Variants in SLCO1B1 observed in about 807,000 individuals in gnomAD.
The protein encoded by SLCO1B1 is OATP-2.
In SLCO1B1, 81 loss-of-function variants were observed where a neutral mutation model predicts 70.1. The observed-to-expected ratio is 1.16, with a 90% CI of 0.97 to 1.39. The LOEUF (loss-of-function observed/expected upper bound fraction) is 1.39. SLCO1B1 is among the 40% of genes most tolerant of loss of function. The pLI, the probability that SLCO1B1 is intolerant of heterozygous loss-of-function variation, is 0.00. For missense variants in SLCO1B1, 895 were observed against 799.6 expected, an observed-to-expected ratio of 1.12 and a Z score of -1.44; for synonymous variants, 283 against 271.5, an observed-to-expected ratio of 1.04 and a Z score of -0.42.
intron 4 of SLCO1B1, 140 bp from the exon 5 acceptor site, chr12:21,176,636 C>G (rs1940824385): frequency 1.5e-6 from 1 of 660,772 alleles, no homozygotes; most frequent in Non-Finnish European, 2.7e-6. Context: ...AAAACACATG[C>G]TGGGAAATTG....
At chr12:21,238,859 A>T in intron 14 of SLCO1B1, 120 bp from the exon 15 acceptor site, 1 of 549,916 alleles carries the variant, frequency 1.8e-6, no homozygotes, top group Non-Finnish European at 3.2e-6. Context: ...TATTAGAATT[A>T]TTGTCTTAAT....
chr12:21,221,007 C>G (rs1941417413), intron 12 of SLCO1B1, among the ~76,000 whole-genome samples: 1 of 151,974 alleles, frequency 6.6e-6, no homozygotes, highest in Non-Finnish European at 1.5e-5. Flanking sequence ...TGATTTGCCA[C>G]ATAGAATAAA....
At chr12:21,151,465 T>C (rs1465103494) in intron 2 of SLCO1B1, among the ~76,000 whole-genome samples, 1 of 152,160 alleles carries the variant, frequency 6.6e-6, no homozygotes, top group Non-Finnish European at 1.5e-5. Flanking sequence ...TGTATCATTA[T>C]TGTCATTCAT....
intron 14 of SLCO1B1, among the ~76,000 whole-genome samples, chr12:21,238,327 C>T (rs1941614683): frequency 6.6e-6 from 1 of 152,012 alleles, no homozygotes; most frequent in Non-Finnish European, 1.5e-5. Context: ...CTTACATTGT[C>T]CATCTGTTAT....
rs61760247 is a variant in SLCO1B1, at chr12:21,224,988, G to A, written c.1865+149G>A. ...ATGCAGTATGGTATCAAGCAATCTC[G>A]TATCTCATTTTAGTACTCATAGAAA... On this transcript the variant is annotated intron_variant, in intron 14 of 14. Transcript: ENST00000256958. 6.0e-3 allele frequency: 3,041 copies of A among 504,312 alleles called. 79 individuals carry two copies. Among genetic ancestry groups the A allele is most frequent in the African/African-American group, 0.055 (2,751 of 50,380 alleles). The allele number at this position is 504,312 out of a possible 1,614,324, so 31.2% of individuals were successfully genotyped here. A position where few individuals can be genotyped will look rare whatever the true frequency, so the allele number is the denominator to read the frequency against.
chr12:21,133,290 C>T (rs529291332), intron 1 of SLCO1B1, among the ~76,000 whole-genome samples: 4 of 152,044 alleles, frequency 2.6e-5, no homozygotes, highest in East Asian at 3.9e-4. Context: ...TTGTTCTTTT[C>T]GCTTAGGATT....
At chr12:21,199,419 C>G (rs1229401110) in intron 8 of SLCO1B1, among the ~76,000 whole-genome samples, 2 of 152,008 alleles carry the variant, frequency 1.3e-5, no homozygotes, top group Admixed American at 1.3e-4. Context: ...AGTTTGTTAC[C>G]ACAGCTGTTT....
intron 2 of SLCO1B1, 54 bp downstream of exon 2, chr12:21,141,712 G>A: frequency 9.4e-7 from 1 of 1,067,188 alleles, no homozygotes; most frequent in South Asian, 1.4e-5. Flanking sequence ...GAACTTTAAT[G>A]TATAGAAAAG....
intron 14 of SLCO1B1, among the ~76,000 whole-genome samples, chr12:21,225,671 AAC>A (rs1313302349): frequency 1.3e-5 from 2 of 152,236 alleles, no homozygotes; most frequent in Non-Finnish European, 2.9e-5. Context: ...TGCAACTTGT[AAC>A]ACAGACACAG....
chr12:21,209,016 G>A (rs1310376853), intron 11 of SLCO1B1, among the ~76,000 whole-genome samples: 4 of 151,278 alleles, frequency 2.6e-5, no homozygotes, highest in Non-Finnish European at 5.9e-5. Flanking sequence ...GTTCTAGGAG[G>A]CTTTTGGCAG....
intron 7 of SLCO1B1, among the ~76,000 whole-genome samples, chr12:21,184,173 G>A (rs990275413): frequency 9.9e-5 from 15 of 152,106 alleles, no homozygotes; most frequent in African/African-American, 2.4e-4. Flanking sequence ...CTTGTAAAAC[G>A]TATTTGCAGA....
chr12:21,153,558 C>T, intron 2 of SLCO1B1, among the ~76,000 whole-genome samples: 1 of 152,040 alleles, frequency 6.6e-6, no homozygotes, highest in East Asian at 1.9e-4. Context: ...ATTCCATATT[C>T]TTTCAATTGT....
intron 4 of SLCO1B1, 72 bp from the exon 5 acceptor site, chr12:21,176,704 C>T: frequency 1.7e-6 from 2 of 1,183,928 alleles, no homozygotes; most frequent in Non-Finnish European, 2.5e-6. Flanking sequence ...GGGAATATTT[C>T]TCTGTATTTC....
intron 1 of SLCO1B1, among the ~76,000 whole-genome samples, chr12:21,137,009 G>C (rs1214587300): frequency 6.6e-6 from 1 of 152,008 alleles, no homozygotes; most frequent in Admixed American, 6.6e-5. Context: ...ATGGGTTTTT[G>C]GTGCGGATGT....
chr12:21,155,265 A>G (rs937777861), intron 2 of SLCO1B1, among the ~76,000 whole-genome samples: 1 of 151,860 alleles, frequency 6.6e-6, no homozygotes, highest in African/African-American at 2.4e-5. Context: ...TTACCTATAT[A>G]TGCTTTCAAT....
At chr12:21,229,156 C>T (rs1941508725) in intron 14 of SLCO1B1, among the ~76,000 whole-genome samples, 1 of 152,074 alleles carries the variant, frequency 6.6e-6, no homozygotes, top group Non-Finnish European at 1.5e-5. Flanking sequence ...CCACCTGCCC[C>T]ACACATGCAT....
At chr12:21,226,138 G>A (rs1941479764) in intron 14 of SLCO1B1, among the ~76,000 whole-genome samples, 2 of 152,218 alleles carry the variant, frequency 1.3e-5, no homozygotes, top group African/African-American at 4.8e-5. Context: ...TTCTGGGCCT[G>A]GTGCAGTGGC....
intron 2 of SLCO1B1, among the ~76,000 whole-genome samples, chr12:21,150,002 C>G (rs567099970): frequency 6.6e-6 from 1 of 152,040 alleles, no homozygotes; most frequent in African/African-American, 2.4e-5. Context: ...CCGGGATGCT[C>G]GAGCTTGGTA....
intron 2 of SLCO1B1, among the ~76,000 whole-genome samples, chr12:21,157,314 G>A (rs551808638): frequency 6.6e-6 from 1 of 151,794 alleles, no homozygotes. Context: ...TAAAGTAGAA[G>A]AAAAAAGAAG....
Sources: allele counts gnomAD v4.1 joint callset (sites outside exome capture counted in the v4.1 genomes callset), GRCh38; gene constraint gnomAD v4.1.1; transcripts MANE v1.5; gene names NCBI Gene and HGNC (gene_info 2026-07-23, HGNC 2026-07-21).